The following MVB12B variants were observed in gnomAD, a reference collection of about 807,000 sequenced individuals.
MVB12B encodes multivesicular body subunit 12B, also known as ESCRT-I complex subunit MVB12B.
In MVB12B, 16 loss-of-function variants were observed where a neutral mutation model predicts 41.6. The ratio of observed to expected loss-of-function variants is 0.38; its 90% CI spans 0.26 to 0.58. The LOEUF (loss-of-function observed/expected upper bound fraction) is 0.58. Ranked by LOEUF, MVB12B falls within the 20% of genes least tolerant of loss-of-function variation. The pLI, the probability that MVB12B is intolerant of heterozygous loss-of-function variation, is 0.62. For missense variants in MVB12B, 274 were observed against 380.2 expected (o/e 0.72, Z 2.32); for synonymous variants, 133 against 139.7 (o/e 0.95, Z 0.34).
Position 126,478,446 on chromosome 9 carries a change from C to T in MVB12B, c.758-2923C>T, listed in dbSNP as rs1240065220. ...GGGGACCTGGAATGCAGAGGTGACT[C>T]GCACATGCACCTACAATAAGAGGAG... On this transcript the variant is annotated intron_variant, in intron 7 of 9. Coordinates refer to ENST00000361171, the MANE Select transcript of MVB12B (RefSeq NM_033446.3). The surrounding 1 kb of genome is among the most constrained non-coding windows in gnomAD (Gnocchi z 4.2). Among the ~76,000 whole-genome samples, 1 of 152,182 alleles carries T rather than the reference C, an allele frequency of 6.6e-6. No homozygotes were observed. The highest frequency in any genetic ancestry group is 1.5e-5 in the Non-Finnish European group (1 of 68,044).
chr9:126,452,125 GAA>G (rs1010281835), intron 7 of MVB12B, among the ~76,000 whole-genome samples: 1 of 152,196 alleles, frequency 6.6e-6, no homozygotes, highest in Non-Finnish European at 1.5e-5. Context: ...CCTAGGAGAT[GAA>G]AAAAGGAAGA....
chr9:126,408,129 C>CA (rs1467580191), intron 6 of MVB12B: 9 of 152,134 alleles, frequency 5.9e-5, no homozygotes, highest in African/African-American at 2.2e-4. Flanking sequence ...GTAGTGGAAA[C>CA]AGTATTTAAG....
intron 7 of MVB12B, among the ~76,000 whole-genome samples, chr9:126,455,912 A>T (rs1832973998): frequency 9.9e-6 from 1 of 100,544 alleles, no homozygotes; most frequent in Admixed American, 1.4e-4. Context: ...TTTTTTTGAG[A>T]CGGAGTCTTG....
chr9:126,467,193 G>A (rs997154943), intron 7 of MVB12B, among the ~76,000 whole-genome samples: 3 of 152,172 alleles, frequency 2.0e-5, no homozygotes, highest in African/African-American at 4.8e-5. Flanking sequence ...GGGCTGTAAC[G>A]TGAGGACTCC....
Position 126,350,072 on chromosome 9 carries a change from A to G in MVB12B, c.204+9442A>G, listed in dbSNP as rs76605070. On this transcript the variant is annotated intron_variant, in intron 2 of 9. Coordinates refer to ENST00000361171, the MANE Select transcript of MVB12B (RefSeq NM_033446.3). ...GATAATTCATTTGGTTTCACACTGT[A>G]TTTCCCTAGTGGTTAATGAATGATG... Among the ~76,000 whole-genome samples the G allele has an allele frequency of 6.3e-3, 965 of 152,242 alleles. 9 individuals are homozygous for G. Among genetic ancestry groups the G allele is most frequent in the African/African-American group, 0.022 (916 of 41,538 alleles).
chr9:126,465,516 G>A (rs1029681496), intron 7 of MVB12B, among the ~76,000 whole-genome samples: 1 of 152,060 alleles, frequency 6.6e-6, no homozygotes. Context: ...CCAAAAGCTG[G>A]GCCCCCTGAT....
intron 7 of MVB12B, among the ~76,000 whole-genome samples, chr9:126,458,989 C>T (rs1230861696): frequency 1.3e-5 from 2 of 152,142 alleles, no homozygotes; most frequent in East Asian, 1.9e-4. Flanking sequence ...AAAGTCAATA[C>T]CTTAAAAACC....
chr9:126,377,627 C>T (rs958511799), intron 2 of MVB12B, among the ~76,000 whole-genome samples: 2 of 152,074 alleles, frequency 1.3e-5, no homozygotes, highest in African/African-American at 4.8e-5. Flanking sequence ...TGGAGCCCAT[C>T]CGTGTCAGGC....
intron 7 of MVB12B, among the ~76,000 whole-genome samples, chr9:126,470,428 C>T (rs1442458895): frequency 6.6e-6 from 1 of 152,164 alleles, no homozygotes; most frequent in Non-Finnish European, 1.5e-5. Flanking sequence ...TCCCTCTGTG[C>T]TCCCATAGCT....
chr9:126,473,711 C>T lies in MVB12B; in HGVS notation c.758-7658C>T, dbSNP rs1251434898. 1.3e-5 allele frequency among the ~76,000 whole-genome samples: 2 copies of T among 152,256 alleles called. No homozygotes were observed. Among genetic ancestry groups the T allele is most frequent in the South Asian group, 2.1e-4 (1 of 4,838 alleles). The stretch of plus-strand genomic sequence containing the variant: ...CACCACGGGGAAGCTGCTAAACCAT[C>T]CACAAGAAATCCTCTCCCCACATAG... On this transcript the variant is annotated intron_variant, in intron 7 of 9. Transcript: ENST00000361171. The surrounding 1 kb of genome is among the most constrained non-coding windows in gnomAD (Gnocchi z 4.0).
intron 9 of MVB12B, among the ~76,000 whole-genome samples, chr9:126,498,368 C>A (rs1833881802): frequency 1.3e-5 from 2 of 152,188 alleles, no homozygotes; most frequent in African/African-American, 2.4e-5. Context: ...CCCAAGCCCA[C>A]CCATCAGTGT....
At chr9:126,460,425 G>A (rs1195207429) in intron 7 of MVB12B, among the ~76,000 whole-genome samples, 1 of 152,170 alleles carries the variant, frequency 6.6e-6, no homozygotes, top group Non-Finnish European at 1.5e-5. Context: ...CTCTGCTTCA[G>A]CTCACATCCA....
At chr9:126,432,721 G>A (rs1272171291) in intron 7 of MVB12B, among the ~76,000 whole-genome samples, 1 of 152,172 alleles carries the variant, frequency 6.6e-6, no homozygotes, top group East Asian at 1.9e-4. Context: ...GTGGTACGTG[G>A]CAGGGCTGAG....
chr9:126,420,364 C>T (rs978323403), intron 6 of MVB12B, among the ~76,000 whole-genome samples: 1 of 152,202 alleles, frequency 6.6e-6, no homozygotes, highest in Non-Finnish European at 1.5e-5. Context: ...AAGCCCTGAG[C>T]GTACAGTTGG....
chr9:126,451,222 T>C (rs566373151), intron 7 of MVB12B, among the ~76,000 whole-genome samples: 5 of 152,014 alleles, frequency 3.3e-5, no homozygotes, highest in South Asian at 2.1e-4. Flanking sequence ...TCTTTGACTG[T>C]AGAAACAAAA....
chr9:126,443,200 C>A (rs890517997), intron 7 of MVB12B, among the ~76,000 whole-genome samples: 2 of 152,166 alleles, frequency 1.3e-5, no homozygotes, highest in Non-Finnish European at 2.9e-5. Flanking sequence ...CCATTTTGAC[C>A]ATTTCCAAAC....
chr9:126,488,358 AAAAAAAAT>A (rs1185965917), intron 9 of MVB12B, among the ~76,000 whole-genome samples: 1 of 149,354 alleles, frequency 6.7e-6, no homozygotes, highest in Non-Finnish European at 1.5e-5. Flanking sequence ...AAAAAAAAAA[AAAAAAAAT>A]AGAGTAAATA....
chr9:126,340,501 G>A lies in MVB12B; in HGVS notation c.82-7G>A. On this transcript the variant is annotated splice_region_variant and splice_polypyrimidine_tract_variant and intron_variant, in intron 1 of 9. Transcript: ENST00000361171. This position sits in a 1 kb window ranked among gnomAD's most constrained non-coding sequence, Gnocchi z 4.0. ...TTTTGTGTTTTCTTTTTCCTTTGCT[G>A]AACCAGGACCAGTCCACCATGCCTG... is the stretch of plus-strand genomic sequence containing the variant. 1 of 1,612,748 alleles carries A rather than the reference G, an allele frequency of 6.2e-7. No individual in the cohort carries two copies. The highest frequency in any genetic ancestry group is 8.5e-7 in the Non-Finnish European group (1 of 1,179,452).
intron 9 of MVB12B, among the ~76,000 whole-genome samples, chr9:126,491,231 C>G (rs1833723961): frequency 6.6e-6 from 1 of 152,218 alleles, no homozygotes; most frequent in African/African-American, 2.4e-5. Context: ...GCGTGGGCTT[C>G]TGCGGGTCTC....
Sources: gnomAD v4.1 joint callset for allele counts (sites outside exome capture counted in the v4.1 genomes callset) on GRCh38, gnomAD v4.1.1 for gene constraint, Gnocchi (gnomAD v3.1) non-coding constraint, MANE v1.5 for transcripts, NCBI Gene and HGNC (gene_info 2026-07-23, HGNC 2026-07-21) for gene names.